The following ATOSA variants were observed in gnomAD, a reference collection of about 807,000 sequenced individuals.
ATOSA encodes the protein atos homolog protein A.
the ATOSA span, among the ~76,000 whole-genome samples, chr15:52,685,290 C>T: frequency 2.6e-5 from 4 of 152,140 alleles, no homozygotes; most frequent in Admixed American, 1.3e-4. Flanking sequence ...TAATTGTCCT[C>T]ATCTTATCAA....
the ATOSA span, among the ~76,000 whole-genome samples, chr15:52,598,383 A>T: frequency 1.3e-5 from 2 of 152,186 alleles, no homozygotes; most frequent in African/African-American, 4.8e-5. Flanking sequence ...TTCTGTGTCC[A>T]TGTGTTTCCA....
chr15:52,603,623 T>A, the ATOSA span, among the ~76,000 whole-genome samples: 3 of 152,186 alleles, frequency 2.0e-5, no homozygotes, highest in Non-Finnish European at 4.4e-5. Flanking sequence ...ATGTAGTATA[T>A]ACACAATGGA....
chr15:52,599,107 T>C, the ATOSA span, among the ~76,000 whole-genome samples: 2 of 152,232 alleles, frequency 1.3e-5, no homozygotes, highest in Non-Finnish European at 2.9e-5. Flanking sequence ...CTCTGGCCTT[T>C]CTTTATAGCA....
At chr15:52,641,613 C>A in the ATOSA span, among the ~76,000 whole-genome samples, 1 of 152,212 alleles carries the variant, frequency 6.6e-6, no homozygotes, top group African/African-American at 2.4e-5. Context: ...TTGAAGGAGG[C>A]AGGCAATGCC....
the ATOSA span, among the ~76,000 whole-genome samples, chr15:52,676,421 C>T: frequency 2.7e-4 from 41 of 151,902 alleles, no homozygotes; most frequent in African/African-American, 9.4e-4. Context: ...CATTACATTG[C>T]GCACAGTAAG....
chr15:52,699,442 T>G, the ATOSA span, among the ~76,000 whole-genome samples: 26 of 151,842 alleles, frequency 1.7e-4, no homozygotes, highest in South Asian at 2.1e-3. Context: ...CCAAATCCTT[T>G]TAATCCTATC....
At chr15:52,679,810 T>TCCC in the ATOSA span, among the ~76,000 whole-genome samples, 1 of 17,276 alleles carries the variant, frequency 5.8e-5, no homozygotes, top group African/African-American at 3.0e-4. Flanking sequence ...TCCCCCTCCT[T>TCCC]CCCCCCCTCC....
At chr15:52,633,902 C>T in the ATOSA span, among the ~76,000 whole-genome samples, 1 of 151,876 alleles carries the variant, frequency 6.6e-6, no homozygotes, top group Non-Finnish European at 1.5e-5. Context: ...TTATAACAGT[C>T]TGGATATAAA....
the ATOSA span, among the ~76,000 whole-genome samples, chr15:52,672,172 CAAAAA>C: frequency 1.4e-4 from 9 of 62,588 alleles, no homozygotes; most frequent in South Asian, 1.5e-3. Context: ...CCCCATTTCT[CAAAAA>C]AAAAAAAAAA....
chr15:52,608,477 CTTGGGCCT>C, the ATOSA span: 2 of 1,298,670 alleles, frequency 1.5e-6, no homozygotes, highest in Admixed American at 5.2e-5. Context: ...ATAATGGAAC[CTTGGGCCT>C]TTATAACCAG....
chr15:52,614,804 C>A, the ATOSA span, among the ~76,000 whole-genome samples: 1 of 151,938 alleles, frequency 6.6e-6, no homozygotes, highest in Non-Finnish European at 1.5e-5. Flanking sequence ...GCCAAGATCA[C>A]CCCATTGCAC....
At chr15:52,604,510 T>C in the ATOSA span, among the ~76,000 whole-genome samples, 2 of 152,196 alleles carry the variant, frequency 1.3e-5, no homozygotes, top group African/African-American at 4.8e-5. Context: ...TGCCTCAAGT[T>C]TAACTGAAAT....
At chr15:52,662,222 T>C in the ATOSA span, among the ~76,000 whole-genome samples, 4 of 152,180 alleles carry the variant, frequency 2.6e-5, no homozygotes, top group Non-Finnish European at 5.9e-5. Flanking sequence ...GAGAAGAAGA[T>C]ACATCTCTAC....
the ATOSA span, among the ~76,000 whole-genome samples, chr15:52,634,782 G>A: frequency 6.6e-6 from 1 of 151,606 alleles, no homozygotes; most frequent in South Asian, 2.1e-4. Context: ...TTGTATTTTT[G>A]GTAGAGACGG....
chr15:52,584,734 T>G, the ATOSA span: 1 of 1,602,116 alleles, frequency 6.2e-7, no homozygotes, highest in Non-Finnish European at 8.5e-7. Context: ...CATATTAATT[T>G]GAAGCATTAC....
chr15:52,656,820 AG>A, the ATOSA span: 1 of 152,152 alleles, frequency 6.6e-6, no homozygotes. Flanking sequence ...TTTGTAAATT[AG>A]TATCACCACT....
At chr15:52,605,316 T>C in the ATOSA span, 1 of 1,157,166 alleles carries the variant, frequency 8.6e-7, no homozygotes, top group African/African-American at 1.6e-5. Flanking sequence ...ACAGTGTTTT[T>C]GTTTTTAGAC....
At chr15:52,608,805 G>T in the ATOSA span, 3 of 1,602,754 alleles carry the variant, frequency 1.9e-6, no homozygotes, top group African/African-American at 4.1e-5. Context: ...CTTTATTTGA[G>T]GACATGCTTT....
chr15:52,662,595 C>G, the ATOSA span, among the ~76,000 whole-genome samples: 1 of 151,830 alleles, frequency 6.6e-6, no homozygotes, highest in Non-Finnish European at 1.5e-5. Context: ...ACAGTGAAAC[C>G]CCGTCTCTAC....
Sources: gnomAD v4.1 joint callset for allele counts (sites outside exome capture counted in the v4.1 genomes callset) on GRCh38, gnomAD v4.1.1 for gene constraint, MANE v1.5 for transcripts, NCBI Gene and HGNC (gene_info 2026-07-23, HGNC 2026-07-21) for gene names.